The following SEMA4D variants were observed in gnomAD, a reference collection of about 807,000 sequenced individuals.
SEMA4D encodes semaphorin-4D.
SEMA4D carries 22 observed loss-of-function variants against 74.8 expected under a neutral mutation model. The ratio of observed to expected loss-of-function variants is 0.29; its 90% CI spans 0.21 to 0.42. The LOEUF is 0.42. Among genes scored for constraint, SEMA4D ranks in the 10% least tolerant of loss-of-function variants. The probability of loss-of-function intolerance (pLI) is 1.00; values close to 1 mark genes in which losing one functional copy is unlikely to be tolerated. For missense variants in SEMA4D, 937 were observed against 1,118.4 expected, an observed-to-expected ratio of 0.84 and a Z score of 2.31; for synonymous variants, 445 against 463.7, an observed-to-expected ratio of 0.96 and a Z score of 0.52.
chr9:89,476,177 C>T (rs572221185), intron 1 of SEMA4D, among the ~76,000 whole-genome samples: 210 of 152,348 alleles, frequency 1.4e-3, no homozygotes, highest in African/African-American at 4.8e-3. Flanking sequence ...GCAAGAATAA[C>T]AAGCCCTGCC....
intron 1 of SEMA4D, among the ~76,000 whole-genome samples, chr9:89,470,766 G>A (rs1344732043): frequency 6.6e-6 from 1 of 152,112 alleles, no homozygotes; most frequent in Non-Finnish European, 1.5e-5. Flanking sequence ...GAGCCTCAAC[G>A]GCACAGTGGT....
chr9:89,417,891 C>T (rs1221936194), intron 2 of SEMA4D, among the ~76,000 whole-genome samples: 2 of 152,224 alleles, frequency 1.3e-5, no homozygotes, highest in Non-Finnish European at 2.9e-5. Flanking sequence ...ACCCACCTCC[C>T]CATGCCGGGC....
intron 2 of SEMA4D, among the ~76,000 whole-genome samples, chr9:89,452,281 C>T (rs1854772973): frequency 1.3e-5 from 2 of 151,236 alleles, no homozygotes; most frequent in Non-Finnish European, 2.9e-5. Flanking sequence ...CAGGTTCACG[C>T]CATTCTCCTG....
At chr9:89,432,916 C>A (rs1337810184) in intron 2 of SEMA4D, among the ~76,000 whole-genome samples, 1 of 152,170 alleles carries the variant, frequency 6.6e-6, no homozygotes, top group East Asian at 1.9e-4. Context: ...CTCATATTCA[C>A]GACAGCACTA....
chr9:89,466,951 G>T (rs913031812), intron 1 of SEMA4D, among the ~76,000 whole-genome samples: 2 of 152,142 alleles, frequency 1.3e-5, no homozygotes, highest in African/African-American at 4.8e-5. Context: ...CCCAAAAAGG[G>T]CCCTGTTACT....
At chr9:89,391,208 C>G in intron 9 of SEMA4D, 56 bp downstream of exon 9, 1 of 1,573,532 alleles carries the variant, frequency 6.4e-7, no homozygotes, top group Non-Finnish European at 8.7e-7. Flanking sequence ...ACCCATCATC[C>G]AGGCACACTA....
At chr9:89,393,357 G>C (rs1051871676) in intron 7 of SEMA4D, among the ~76,000 whole-genome samples, 2 of 152,234 alleles carry the variant, frequency 1.3e-5, no homozygotes, top group Non-Finnish European at 2.9e-5. Flanking sequence ...ACAAAGTGAC[G>C]TTTACCATGG....
chr9:89,487,150 A>G (rs1051092938), intron 1 of SEMA4D, among the ~76,000 whole-genome samples: 3 of 149,110 alleles, frequency 2.0e-5, no homozygotes, highest in Admixed American at 1.3e-4. Flanking sequence ...ATAAATATAT[A>G]TATATAATAT....
At chr9:89,413,783 T>C (rs1363082551) in intron 2 of SEMA4D, among the ~76,000 whole-genome samples, 2 of 152,250 alleles carry the variant, frequency 1.3e-5, no homozygotes, top group Non-Finnish European at 2.9e-5. Context: ...TCCATACATA[T>C]GTATCTGTGT....
At chr9:89,462,587 A>C (rs923919728) in intron 1 of SEMA4D, among the ~76,000 whole-genome samples, 1 of 152,080 alleles carries the variant, frequency 6.6e-6, no homozygotes, top group Non-Finnish European at 1.5e-5. Context: ...AGGAGTAAAA[A>C]TTCCCCAATA....
At chr9:89,486,550 G>A (rs1480539579) in intron 1 of SEMA4D, among the ~76,000 whole-genome samples, 1 of 152,104 alleles carries the variant, frequency 6.6e-6, no homozygotes, top group African/African-American at 2.4e-5. Context: ...AACAGAAACA[G>A]AAAATCTTCA....
chr9:89,435,236 C>A lies in SEMA4D; in HGVS notation c.-244+20652G>T, dbSNP rs575223012. On this transcript the variant is annotated intron_variant, in intron 2 of 15. Coordinates refer to ENST00000422704, the MANE Select transcript of SEMA4D (RefSeq NM_001371194.2). ...ATTTTAAGAATGCTGGTTGAGTAAA[C>A]ATGCAAATGATCATTAACAGGACCT... 6.6e-5 allele frequency among the ~76,000 whole-genome samples: 10 copies of A among 152,282 alleles called. No homozygotes were observed. The South Asian group carries it at 1.2e-3, about 19-fold the overall frequency.
intron 2 of SEMA4D, among the ~76,000 whole-genome samples, chr9:89,437,908 G>C: frequency 6.6e-6 from 1 of 152,250 alleles, no homozygotes; most frequent in Non-Finnish European, 1.5e-5. Flanking sequence ...GAGCAACTCA[G>C]TCCCAAGGAT....
At chr9:89,383,645 T>G (rs1837708620) in intron 13 of SEMA4D, among the ~76,000 whole-genome samples, 1 of 152,164 alleles carries the variant, frequency 6.6e-6, no homozygotes, top group Non-Finnish European at 1.5e-5. Context: ...TGACAGCACC[T>G]TGGCTCAGAT....
intron 1 of SEMA4D, among the ~76,000 whole-genome samples, chr9:89,461,808 T>C (rs1857334131): frequency 6.6e-6 from 1 of 150,442 alleles, no homozygotes; most frequent in South Asian, 2.1e-4. Flanking sequence ...GTTCAAGTGA[T>C]TCTCCTGCCT....
chr9:89,362,475 C>G, intron 18 of SEMA4D: 1 of 1,613,956 alleles, frequency 6.2e-7, no homozygotes, highest in Non-Finnish European at 8.5e-7. Context: ...ACGGATGGGC[C>G]TTTCCTGCTC....
chr9:89,479,548 C>G (rs1291013194), intron 1 of SEMA4D: 1 of 181,916 alleles, frequency 5.5e-6, no homozygotes, highest in Admixed American at 6.3e-5. Context: ...CGTGGACCCT[C>G]GCGGTGAGTG....
intron 6 of SEMA4D, among the ~76,000 whole-genome samples, chr9:89,394,097 A>G (rs1840405867): frequency 6.6e-6 from 1 of 152,244 alleles, no homozygotes; most frequent in Non-Finnish European, 1.5e-5. Flanking sequence ...AAACATAAAC[A>G]GGCAGAATCT....
At chr9:89,469,163 CAA>C (rs1859516519) in intron 1 of SEMA4D, among the ~76,000 whole-genome samples, 1 of 141,210 alleles carries the variant, frequency 7.1e-6, no homozygotes, top group African/African-American at 2.5e-5. Context: ...ACTCCGTGCA[CAA>C]AGAGTCAACA....
Sources: gnomAD v4.1 joint callset for allele counts (sites outside exome capture counted in the v4.1 genomes callset) on GRCh38, gnomAD v4.1.1 for gene constraint, MANE v1.5 for transcripts, NCBI Gene and HGNC (gene_info 2026-07-23, HGNC 2026-07-21) for gene names.